The following TMEM184B variants were observed in gnomAD, a reference collection of about 807,000 sequenced individuals.
The protein encoded by TMEM184B is putative MAPK-activating protein FM08.
Under a neutral mutation model 41.8 loss-of-function variants are expected in TMEM184B, and 17 were observed. That is an observed-to-expected ratio of 0.41 (90% CI 0.28 to 0.61). TMEM184B has a LOEUF of 0.61. TMEM184B is among the 20% of genes least tolerant of loss of function. The pLI, the probability that TMEM184B is intolerant of heterozygous loss-of-function variation, is 0.34. For synonymous variants in TMEM184B, 240 were observed against 229.5 expected (o/e 1.05, Z -0.41); for missense variants, 393 against 557.8 (o/e 0.70, Z 2.98).
chr22:38,272,255 G>A (rs1369058959), intron 1 of TMEM184B, among the ~76,000 whole-genome samples: 1 of 152,158 alleles, frequency 6.6e-6, no homozygotes, highest in African/African-American at 2.4e-5. Context: ...GGTACCAAGG[G>A]TGTGCCCAGG....
intron 8 of TMEM184B, chr22:38,222,980 C>A (rs1452020290): frequency 1.3e-5 from 2 of 152,600 alleles, no homozygotes; most frequent in African/African-American, 4.8e-5. Context: ...CCCATCCCCA[C>A]TTCTTCCCCG....
chr22:38,241,901 A>AAAAAAAAAAAAAAAAAAAAAAAC (rs1223000881), intron 3 of TMEM184B, among the ~76,000 whole-genome samples: 1 of 150,058 alleles, frequency 6.7e-6, no homozygotes, highest in African/African-American at 2.4e-5. Flanking sequence ...AAAAAAAAAA[A>AAAAAAAAAAAAAAAAAAAAAAAC]AAAAAAGAAC....
At chr22:38,224,568 T>C (rs987808437) in intron 8 of TMEM184B, among the ~76,000 whole-genome samples, 1 of 152,252 alleles carries the variant, frequency 6.6e-6, no homozygotes, top group Non-Finnish European at 1.5e-5. Flanking sequence ...TTGGACCTGC[T>C]GCAAGGGACA....
At chr22:38,267,570 T>A (rs2092461986) in intron 1 of TMEM184B, among the ~76,000 whole-genome samples, 1 of 151,948 alleles carries the variant, frequency 6.6e-6, no homozygotes, top group South Asian at 2.1e-4. Context: ...GTAGCTGGGT[T>A]TACAGGCACA....
At position 38,255,339 on chromosome 22, in the gene TMEM184B, T is replaced by G. The variant is rs922384729; in HGVS notation, c.-58-7320A>C. 3.4e-5 allele frequency among the ~76,000 whole-genome samples: 5 copies of G among 148,010 alleles called. No individual in the cohort carries two copies. The East Asian group carries it at 1.0e-3, about 29-fold the overall frequency. ...GCACCCGGCCTCATGGCCGGCTAATTTTTTTTGTATTTTTAGTAGTGACGG... is the reference window on the plus strand; with the variant it reads ...GCACCCGGCCTCATGGCCGGCTAATGTTTTTTGTATTTTTAGTAGTGACGG... On this transcript the variant is annotated intron_variant, in intron 1 of 8. Coordinates refer to ENST00000361906, the MANE Select transcript of TMEM184B (RefSeq NM_012264.5).
chr22:38,255,014 C>A (rs2092250693), intron 1 of TMEM184B, among the ~76,000 whole-genome samples: 1 of 151,640 alleles, frequency 6.6e-6, no homozygotes. Flanking sequence ...CCATGGCCAG[C>A]TAATTTTTTT....
At chr22:38,231,709 T>C (rs2091629120) in intron 3 of TMEM184B, 1 of 391,468 alleles carries the variant, frequency 2.6e-6, no homozygotes, top group Non-Finnish European at 4.9e-6. Context: ...AGTATTGCCT[T>C]TATTAGTTTT....
intron 1 of TMEM184B, among the ~76,000 whole-genome samples, chr22:38,271,098 G>A (rs753276114): frequency 2.0e-5 from 3 of 152,122 alleles, no homozygotes; most frequent in African/African-American, 4.8e-5. Context: ...GAATCCCAAC[G>A]ACTGCACAAA....
intron 1 of TMEM184B, among the ~76,000 whole-genome samples, chr22:38,263,222 G>T (rs1362933818): frequency 6.6e-6 from 1 of 152,114 alleles, no homozygotes; most frequent in Non-Finnish European, 1.5e-5. Flanking sequence ...TTCTTGGAAA[G>T]GCGTACATTC....
chr22:38,227,239 C>T (rs1444219954), intron 5 of TMEM184B, among the ~76,000 whole-genome samples: 1 of 151,998 alleles, frequency 6.6e-6, no homozygotes, highest in Non-Finnish European at 1.5e-5. Context: ...AGGCGGGAGA[C>T]AGGAGATGCA....
rs759463834 is a variant in TMEM184B, at chr22:38,245,959, C to G, written c.334G>C (p.Gly112Arg). 2 of 1,612,046 alleles carry G rather than the reference C, an allele frequency of 1.2e-6. No individual in the cohort carries two copies. Among genetic ancestry groups the G allele is most frequent in the Non-Finnish European group, 1.7e-6 (2 of 1,179,490 alleles). Residue 112 changes from glycine (G) to arginine (R), a missense_variant, in exon 3 of 9, where the codon GGC becomes CGC. By Grantham distance (125) the Gly-to-Arg change is moderately radical. This residue lies in a region of TMEM184B where 271 missense variants were observed against 434.1 expected (regional missense o/e 0.62). Transcript: ENST00000361906. The part of the protein sequence containing the change: ...FTNDQYYVYF[G>R]TVRDCYEALV... ...CCCTCATAGCAGTCGCGGACGGTGC[C>G]GAAGTACACGTAGTACTGGTCGTTG...
intron 1 of TMEM184B, among the ~76,000 whole-genome samples, chr22:38,248,622 G>A (rs529331712): frequency 1.3e-5 from 2 of 152,038 alleles, no homozygotes; most frequent in Admixed American, 6.5e-5. Context: ...TCATTACATC[G>A]ACACCACCCG....
At chr22:38,266,671 C>T (rs367728705) in intron 1 of TMEM184B, among the ~76,000 whole-genome samples, 29 of 152,336 alleles carry the variant, frequency 1.9e-4, no homozygotes, top group African/African-American at 6.7e-4. Flanking sequence ...AATGAGATAA[C>T]GTGTGTTCAT....
At chr22:38,262,117 G>A (rs568853575) in intron 1 of TMEM184B, among the ~76,000 whole-genome samples, 1 of 152,230 alleles carries the variant, frequency 6.6e-6, no homozygotes, top group Non-Finnish European at 1.5e-5. Flanking sequence ...CAACCTGGAT[G>A]ATCTGACAGT....
At chr22:38,242,465 G>A (rs1602425447) in intron 3 of TMEM184B, among the ~76,000 whole-genome samples, 1 of 151,994 alleles carries the variant, frequency 6.6e-6, no homozygotes, top group Non-Finnish European at 1.5e-5. Context: ...GCGACAGAGC[G>A]AGACTCCGTC....
chr22:38,219,309 A>G lies in TMEM184B; in HGVS notation c.*2160T>C, dbSNP rs370925162. 1.0e-6 allele frequency: 1 copy of G among 985,688 alleles called. No individual in the cohort carries two copies. The highest frequency in any genetic ancestry group is 1.7e-5 in the African/African-American group (1 of 57,216). 61.1% of individuals were successfully genotyped at this position (985,688 alleles called of 1,614,324 possible). A position where few individuals can be genotyped will look rare whatever the true frequency, so the allele number is the denominator to read the frequency against. ...ACAGGCAGAGATTTCAATACAATCT[A>G]TATTATCTCATATATAGATTTCTTC... On this transcript the variant is annotated 3_prime_UTR_variant, in exon 9 of 9. Coordinates refer to ENST00000361906, the MANE Select transcript of TMEM184B (RefSeq NM_012264.5).
intron 3 of TMEM184B, among the ~76,000 whole-genome samples, chr22:38,245,635 C>T (rs1016499382): frequency 8.8e-5 from 12 of 136,362 alleles, no homozygotes; most frequent in Non-Finnish European, 1.3e-4. Context: ...CTGCCTGAGA[C>T]GCCAGCATTG....
chr22:38,245,672 T>C (rs985786295), intron 3 of TMEM184B, among the ~76,000 whole-genome samples: 2 of 148,512 alleles, frequency 1.3e-5, no homozygotes, highest in Non-Finnish European at 3.0e-5. Context: ...TGGAGGGTCC[T>C]TGCTTCCAGG....
At position 38,225,714 on chromosome 22, in the gene TMEM184B, G is replaced by T; in HGVS notation, c.618-121C>A. On this transcript the variant is annotated intron_variant, in intron 6 of 8. Coordinates refer to ENST00000361906, the MANE Select transcript of TMEM184B (RefSeq NM_012264.5). This position sits in a 1 kb window ranked among gnomAD's most constrained non-coding sequence, Gnocchi z 4.4. ...CCACACCTCCAGCAGAGCTCAACGA[G>T]CCACTGAAGGGGTCAGAATGGGTGA... is the stretch of plus-strand genomic sequence containing the variant. 1 of 1,136,334 alleles carries T rather than the reference G, an allele frequency of 8.8e-7. No individual in the cohort carries two copies. The highest frequency in any genetic ancestry group is 1.2e-6 in the Non-Finnish European group (1 of 840,160). The allele number at this position is 1,136,334 out of a possible 1,614,324, so 70.4% of individuals were successfully genotyped here.
Sources: allele counts gnomAD v4.1 joint callset (sites outside exome capture counted in the v4.1 genomes callset), GRCh38; gene constraint gnomAD v4.1.1; regional missense constraint gnomAD v4.1.1; non-coding constraint Gnocchi (gnomAD v3.1); transcripts MANE v1.5; gene names NCBI Gene and HGNC (gene_info 2026-07-23, HGNC 2026-07-21).